Variants in FGGY observed in about 807,000 individuals in gnomAD.
The protein encoded by FGGY is FGGY carbohydrate kinase domain-containing protein.
In FGGY, 72 loss-of-function variants were observed where a neutral mutation model predicts 71.3. That is an observed-to-expected ratio of 1.01 (90% CI 0.84 to 1.23). FGGY has a LOEUF of 1.23. Ranked by LOEUF, FGGY falls within the 50% of genes most tolerant of loss-of-function variation. The probability of loss-of-function intolerance (pLI) is 0.00; values close to 1 mark genes in which losing one functional copy is unlikely to be tolerated. For synonymous variants in FGGY, 251 were observed against 250.3 expected (o/e 1.00, Z -0.02); for missense variants, 668 against 682.3 (o/e 0.98, Z 0.23).
At chr1:59,498,857 C>T (rs951580609) in intron 6 of FGGY, among the ~76,000 whole-genome samples, 4 of 152,154 alleles carry the variant, frequency 2.6e-5, no homozygotes, top group Non-Finnish European at 5.9e-5. Flanking sequence ...GGCTAAATGC[C>T]AACTTGGCAA....
chr1:59,538,716 A>G (rs1029828076), intron 7 of FGGY, among the ~76,000 whole-genome samples: 1 of 152,068 alleles, frequency 6.6e-6, no homozygotes, highest in Non-Finnish European at 1.5e-5. Flanking sequence ...GAAATTGGAA[A>G]TCATCATTCT....
intron 14 of FGGY, among the ~76,000 whole-genome samples, chr1:59,724,748 A>G (rs138734031): frequency 5.7e-4 from 87 of 152,294 alleles, no homozygotes; most frequent in African/African-American, 2.1e-3. Flanking sequence ...GAGTGTCTTT[A>G]TATATATTAT....
At chr1:59,359,249 G>A (rs2054935695) in intron 4 of FGGY, among the ~76,000 whole-genome samples, 1 of 152,030 alleles carries the variant, frequency 6.6e-6, no homozygotes, top group Non-Finnish European at 1.5e-5. Flanking sequence ...AACTTCTGAT[G>A]GTTTAAGTTA....
At chr1:59,345,587 T>C (rs138496799) in intron 3 of FGGY, among the ~76,000 whole-genome samples, 68 of 152,312 alleles carry the variant, frequency 4.5e-4, no homozygotes, top group African/African-American at 1.6e-3. Context: ...ATCTTTTGTT[T>C]AAAAACTTCC....
At chr1:59,757,292 A>T (rs1559006541) in intron 14 of FGGY, among the ~76,000 whole-genome samples, 1 of 152,200 alleles carries the variant, frequency 6.6e-6, no homozygotes, top group Non-Finnish European at 1.5e-5. Flanking sequence ...TGCACCTACC[A>T]TACCATGTCT....
At chr1:59,479,522 G>C (rs1363084739) in intron 6 of FGGY, among the ~76,000 whole-genome samples, 1 of 152,156 alleles carries the variant, frequency 6.6e-6, no homozygotes, top group Non-Finnish European at 1.5e-5. Context: ...ATTTTAATAG[G>C]TAGGAAGAAG....
At chr1:59,381,967 A>G (rs557230582) in intron 5 of FGGY, among the ~76,000 whole-genome samples, 2 of 152,278 alleles carry the variant, frequency 1.3e-5, no homozygotes, top group East Asian at 3.9e-4. Context: ...TTGGACATGA[A>G]ATCTTTAAGT....
Position 59,350,683 on chromosome 1 carries a change from CA to C in FGGY, c.465+4286del. Among the ~76,000 whole-genome samples, 2 of 152,202 alleles carry C rather than the reference CA, an allele frequency of 1.3e-5. 1 individual carries two copies. ...GGGAGGGGCTGGCTTAGGTAACTGG[CA>C]GACATGTGGAGATTGGATTAGGGTG... On this transcript the variant is annotated intron_variant, in intron 4 of 15. Transcript: ENST00000303721.
intron 4 of FGGY, among the ~76,000 whole-genome samples, chr1:59,351,264 T>C (rs931497673): frequency 6.6e-6 from 1 of 152,202 alleles, no homozygotes; most frequent in Admixed American, 6.5e-5. Flanking sequence ...GACCAACAGA[T>C]GAAAAGTTTG....
intron 2 of FGGY, among the ~76,000 whole-genome samples, chr1:59,339,126 A>G (rs2050160419): frequency 6.6e-6 from 1 of 152,154 alleles, no homozygotes; most frequent in African/African-American, 2.4e-5. Flanking sequence ...CCTTCAGGCT[A>G]TGTGTGTAAG....
In FGGY at chr1:59,727,292, T is replaced by C. The variant is rs147329064; in HGVS notation, c.1513-30639T>C. ...CACATTTTCTTTATCCAGTCCACCA[T>C]TGATGAACACCTAGGTTGATTATAT... On this transcript the variant is annotated intron_variant, in intron 14 of 15. Coordinates refer to ENST00000303721, the MANE Select transcript of FGGY (RefSeq NM_018291.5). Among the ~76,000 whole-genome samples, 573 of 152,336 alleles carry C rather than the reference T, an allele frequency of 3.8e-3. 5 individuals carry two copies. Among genetic ancestry groups the C allele is most frequent in the African/African-American group, 0.013 (538 of 41,570 alleles).
intron 6 of FGGY, among the ~76,000 whole-genome samples, chr1:59,495,278 G>T (rs1215219692): frequency 1.3e-5 from 2 of 152,030 alleles, no homozygotes; most frequent in Non-Finnish European, 2.9e-5. Context: ...CTATTCTGTA[G>T]GTTGACTGTT....
intron 1 of FGGY, 93 bp from the exon 2 acceptor site, chr1:59,321,443 G>A (rs1400163548): frequency 3.2e-5 from 36 of 1,139,362 alleles, no homozygotes; most frequent in African/African-American, 4.6e-5. Flanking sequence ...GTTAGGTAGC[G>A]GTACCTCTTT....
At chr1:59,459,790 G>A (rs2092018631) in intron 6 of FGGY, among the ~76,000 whole-genome samples, 1 of 152,186 alleles carries the variant, frequency 6.6e-6, no homozygotes, top group African/African-American at 2.4e-5. Flanking sequence ...TGCCGCGGTT[G>A]CCTTTTTAAT....
chr1:59,478,148 CAG>C (rs1194190011), intron 6 of FGGY, among the ~76,000 whole-genome samples: 6 of 152,316 alleles, frequency 3.9e-5, no homozygotes, highest in African/African-American at 1.4e-4. Context: ...TGACCTCAAA[CAG>C]AGACCTCTCA....
intron 14 of FGGY, among the ~76,000 whole-genome samples, chr1:59,735,186 C>A (rs922116623): frequency 6.6e-6 from 1 of 152,150 alleles, no homozygotes; most frequent in Non-Finnish European, 1.5e-5. Context: ...CCTTCACTCT[C>A]CCCCTCTCCA....
chr1:59,356,510 T>G (rs1484225285), intron 4 of FGGY, among the ~76,000 whole-genome samples: 2 of 152,224 alleles, frequency 1.3e-5, no homozygotes, highest in Non-Finnish European at 2.9e-5. Context: ...ATCTCTACCC[T>G]AGAATTTATT....
chr1:59,608,029 T>C (rs1353079667), intron 9 of FGGY, 119 bp downstream of exon 9: 1 of 724,394 alleles, frequency 1.4e-6, no homozygotes, highest in Non-Finnish European at 2.3e-6. Flanking sequence ...AATCGGGGTG[T>C]ACTTTCTCTT....
intron 8 of FGGY, among the ~76,000 whole-genome samples, chr1:59,559,467 G>GAT (rs1325597933): frequency 2.6e-5 from 4 of 152,108 alleles, no homozygotes; most frequent in Non-Finnish European, 5.9e-5. Flanking sequence ...AATAGTTATG[G>GAT]ATATATATAC....
Sources: allele counts gnomAD v4.1 joint callset (sites outside exome capture counted in the v4.1 genomes callset), GRCh38; gene constraint gnomAD v4.1.1; transcripts MANE v1.5; gene names NCBI Gene and HGNC (gene_info 2026-07-23, HGNC 2026-07-21).